The following MREG variants were observed in gnomAD, a reference collection of about 807,000 sequenced individuals.
The protein encoded by MREG is melanoregulin.
A neutral mutation model predicts 28.5 loss-of-function variants in MREG; 31 were observed. The ratio of observed to expected loss-of-function variants is 1.09; its 90% confidence interval spans 0.82 to 1.47. The LOEUF (loss-of-function observed/expected upper bound fraction) is 1.47, where lower values mean the gene tolerates loss of function less well. MREG is among the 40% of genes most tolerant of loss of function. The pLI, the probability that MREG is intolerant of heterozygous loss-of-function variation, is 0.00. For synonymous variants in MREG, 106 were observed against 95.2 expected (o/e 1.11, Z -0.66); for missense variants, 256 against 257.4 (o/e 0.99, Z 0.04).
At chr2:216,003,517 G>A (rs1694073590) in intron 1 of MREG, among the ~76,000 whole-genome samples, 2 of 152,220 alleles carry the variant, frequency 1.3e-5, no homozygotes, top group South Asian at 4.1e-4. Context: ...TTCATCTAGT[G>A]CCATGCCTTT....
At position 215,943,775 on chromosome 2, in the gene MREG, AGG is replaced by A; in HGVS notation, c.*1086_*1087del. 4.8e-6 allele frequency: 1 copy of A among 207,984 alleles called. No individual in the cohort carries two copies. The highest frequency in any genetic ancestry group is 9.1e-6 in the Non-Finnish European group (1 of 110,242). 12.9% of individuals were successfully genotyped at this position (207,984 alleles called of 1,614,324 possible). ...GGAATCACTTGAAACCGGAAGGCGG[AGG>A]TTGCAGTGAGCCGAGATCGCACCAC... On this transcript the variant is annotated 3_prime_UTR_variant, in exon 5 of 5. Transcript: ENST00000263268.
intron 1 of MREG, among the ~76,000 whole-genome samples, chr2:216,003,639 C>G (rs1399262365): frequency 6.6e-6 from 1 of 152,184 alleles, no homozygotes; most frequent in African/African-American, 2.4e-5. Context: ...AACACAAGCT[C>G]AGTGTGGTCC....
intron 2 of MREG, 137 bp downstream of exon 2, chr2:215,996,169 C>T: frequency 1.1e-6 from 1 of 876,778 alleles, no homozygotes; most frequent in Non-Finnish European, 1.7e-6. Flanking sequence ...ATAATATATG[C>T]TGCTAAAATA....
chr2:215,988,552 C>T (rs541987293), intron 2 of MREG, among the ~76,000 whole-genome samples: 1 of 152,298 alleles, frequency 6.6e-6, no homozygotes, highest in Admixed American at 6.5e-5. Flanking sequence ...GAATCATTTA[C>T]TCCCCTGGAA....
At chr2:215,995,511 C>CCCCCCCCCG (rs146414052) in intron 2 of MREG, among the ~76,000 whole-genome samples, 8 of 136,102 alleles carry the variant, frequency 5.9e-5, no homozygotes, top group African/African-American at 1.6e-4. Flanking sequence ...CCCACCCCAC[C>CCCCCCCCCG]CCCCGCCACC....
In MREG at chr2:216,022,516, C is replaced by G. The variant is rs184238853; in HGVS notation, c.-68+10273G>C. Among the ~76,000 whole-genome samples, 401 of 152,296 alleles carry G rather than the reference C, an allele frequency of 2.6e-3. 1 individual carries two copies. The highest frequency in any genetic ancestry group is 9.0e-3 in the African/African-American group (376 of 41,550). On this transcript the variant is annotated intron_variant, in intron 1 of 3. Coordinates refer to the MREG transcript ENST00000420348. Reference sequence around the variant, plus strand: ...ACTGCTACGTCTAACAATATTCCCACTTTAATTATATCTCCATCTCTAACT... The same window carrying G: ...ACTGCTACGTCTAACAATATTCCCAGTTTAATTATATCTCCATCTCTAACT...
chr2:215,975,826 C>A (rs1205347445), intron 2 of MREG, among the ~76,000 whole-genome samples: 1 of 152,172 alleles, frequency 6.6e-6, no homozygotes, highest in Non-Finnish European at 1.5e-5. Flanking sequence ...TGGCTCACAC[C>A]TGTAATCCCA....
At chr2:215,995,227 G>A (rs1051502459) in intron 2 of MREG, among the ~76,000 whole-genome samples, 10 of 152,122 alleles carry the variant, frequency 6.6e-5, no homozygotes, top group Non-Finnish European at 1.5e-4. Flanking sequence ...TCACTAGTGG[G>A]ATGCTACACA....
At chr2:216,024,355 G>A (rs1694563365) in intron 1 of MREG, among the ~76,000 whole-genome samples, 1 of 151,858 alleles carries the variant, frequency 6.6e-6, no homozygotes, top group Non-Finnish European at 1.5e-5. Flanking sequence ...TGGTCAACAT[G>A]GCAAAATCCC....
At chr2:216,000,753 A>G (rs1326554719) in intron 1 of MREG, among the ~76,000 whole-genome samples, 4 of 152,178 alleles carry the variant, frequency 2.6e-5, no homozygotes, top group African/African-American at 9.7e-5. Context: ...TGTGATCCCA[A>G]TCTGCTGAAG....
intron 2 of MREG, among the ~76,000 whole-genome samples, chr2:215,961,251 A>G (rs995878565): frequency 6.6e-6 from 1 of 152,168 alleles, no homozygotes; most frequent in African/African-American, 2.4e-5. Flanking sequence ...ACCACTCTGG[A>G]GCACTCCCTT....
chr2:216,031,922 T>G (rs1363568996), intron 1 of MREG, among the ~76,000 whole-genome samples: 1 of 152,216 alleles, frequency 6.6e-6, no homozygotes, highest in African/African-American at 2.4e-5. Context: ...TCTCTACTTC[T>G]CCGTATTTTT....
At chr2:215,996,802 G>A (rs905466773) in intron 1 of MREG, among the ~76,000 whole-genome samples, 1 of 150,906 alleles carries the variant, frequency 6.6e-6, no homozygotes, top group African/African-American at 2.4e-5. Flanking sequence ...ACAGAGTCTC[G>A]CTTCATCACC....
At chr2:216,030,339 A>G (rs1360456944) in intron 1 of MREG, among the ~76,000 whole-genome samples, 1 of 152,124 alleles carries the variant, frequency 6.6e-6, no homozygotes, top group Non-Finnish European at 1.5e-5. Context: ...TTTGGTTCCA[A>G]TGCCACTTCT....
At chr2:215,969,946 G>A (rs1693043471) in intron 2 of MREG, among the ~76,000 whole-genome samples, 1 of 152,194 alleles carries the variant, frequency 6.6e-6, no homozygotes, top group Non-Finnish European at 1.5e-5. Flanking sequence ...TAGTTAGAAA[G>A]CATTCACCAT....
At chr2:215,991,443 A>G (rs1693717436) in intron 2 of MREG, among the ~76,000 whole-genome samples, 6 of 152,226 alleles carry the variant, frequency 3.9e-5, no homozygotes, top group Non-Finnish European at 8.8e-5. Flanking sequence ...AAAGCAGGAA[A>G]GACCTAAAAT....
intron 1 of MREG, among the ~76,000 whole-genome samples, chr2:216,028,421 G>T (rs552446179): frequency 6.6e-6 from 1 of 151,664 alleles, no homozygotes; most frequent in African/African-American, 2.4e-5. Flanking sequence ...CCAGCTACTC[G>T]GGAGGCGGAG....
chr2:216,027,339 C>A (rs1264165562), intron 1 of MREG, among the ~76,000 whole-genome samples: 3 of 152,194 alleles, frequency 2.0e-5, no homozygotes, highest in Non-Finnish European at 4.4e-5. Context: ...CACCATTACC[C>A]AGTAGAGTTC....
chr2:216,007,596 AT>A (rs1350729208), intron 1 of MREG, among the ~76,000 whole-genome samples: 1 of 151,722 alleles, frequency 6.6e-6, no homozygotes, highest in Non-Finnish European at 1.5e-5. Flanking sequence ...CGCCCAGCTA[AT>A]TTTTGTATTT....
Sources: allele counts gnomAD v4.1 joint callset (sites outside exome capture counted in the v4.1 genomes callset), GRCh38; gene constraint gnomAD v4.1.1; transcripts MANE v1.5; gene names NCBI Gene and HGNC (gene_info 2026-07-23, HGNC 2026-07-21).